Variants in NUP35 observed in about 807,000 individuals in gnomAD.
NUP35 encodes the protein nucleoporin 35.
In NUP35, 25 loss-of-function variants were observed where a neutral mutation model predicts 41.5. The observed-to-expected ratio is 0.60, with a 90% CI of 0.44 to 0.84. The LOEUF (loss-of-function observed/expected upper bound fraction) is 0.84. Among genes scored for constraint, NUP35 ranks in the 40% least tolerant of loss-of-function variants. The pLI, the probability that NUP35 is intolerant of heterozygous loss-of-function variation, is 0.00. For synonymous variants in NUP35, 149 were observed against 130.7 expected (o/e 1.14, Z -0.96); for missense variants, 396 against 396.6 (o/e 1.00, Z 0.01).
upstream of NUP35, among the ~76,000 whole-genome samples, chr2:183,123,061 A>G (rs935160852): frequency 6.6e-6 from 1 of 152,220 alleles, no homozygotes; most frequent in South Asian, 2.1e-4. Context: ...CAAAGATGCT[A>G]CATCGTTGGC....
At chr2:183,138,811 A>C (rs548155623) in intron 4 of NUP35, among the ~76,000 whole-genome samples, 48 of 152,234 alleles carry the variant, frequency 3.2e-4, no homozygotes, top group African/African-American at 1.1e-3. Flanking sequence ...GCATATTGTT[A>C]ACAGGTTAAG....
chr2:183,153,281 C>T (rs12992879), intron 5 of NUP35, among the ~76,000 whole-genome samples: 30,901 of 152,060 alleles, frequency 0.2, 3,588 homozygotes, highest in African/African-American at 0.31. Context: ...CATGTCCTCA[C>T]GTTTCAAAAC....
intron 1 of NUP35, among the ~76,000 whole-genome samples, chr2:183,125,834 T>C (rs2105534822): frequency 1.3e-5 from 2 of 152,342 alleles, no homozygotes; most frequent in Middle Eastern, 3.4e-3. Context: ...AAGGGTTGAC[T>C]TCAACAAACT....
intron 1 of NUP35, among the ~76,000 whole-genome samples, chr2:183,126,039 C>G (rs1684461325): frequency 1.3e-5 from 2 of 152,070 alleles, no homozygotes; most frequent in Admixed American, 1.3e-4. Flanking sequence ...TTCCCTCTCT[C>G]CCTCCCTCCC....
chr2:183,159,593 A>T lies in NUP35; in HGVS notation c.844A>T (p.Arg282Trp). Residue 282 changes from arginine (R) to tryptophan (W), a missense_variant, in exon 8 of 9, where the codon AGG (arginine) becomes TGG (tryptophan). Coordinates refer to ENST00000295119, the MANE Select transcript of NUP35 (RefSeq NM_138285.5). Reference protein sequence around the residue: ...GTPTQPGSTPRISTMRPLATA... With the variant: ...GTPTQPGSTPWISTMRPLATA... ...ACCAACACAACCTGGAAGTACTCCT[A>T]GGATTTCTACCATGAGACCTCTTGC... 3 of 1,613,394 alleles carry T rather than the reference A, an allele frequency of 1.9e-6. No homozygotes were observed. Among genetic ancestry groups the T allele is most frequent in the Non-Finnish European group, 2.5e-6 (3 of 1,179,630 alleles).
Position 183,152,281 on chromosome 2 carries a change from A to T in NUP35, c.539+632A>T, listed in dbSNP as rs187668327. On this transcript the variant is annotated intron_variant, in intron 5 of 8. Transcript: ENST00000295119. ...AAAAAACTTTAAAATGCCTTTTTTT[A>T]AAAAAAATGCTTTTTTATTTCCATA... is the stretch of plus-strand genomic sequence containing the variant. Among the ~76,000 whole-genome samples, 698 of 151,952 alleles carry T rather than the reference A, an allele frequency of 4.6e-3. 8 individuals carry two copies. The highest frequency in any genetic ancestry group is 0.015 in the African/African-American group (633 of 41,462).
At chr2:183,153,631 C>G (rs1416803624) in intron 5 of NUP35, among the ~76,000 whole-genome samples, 1 of 152,206 alleles carries the variant, frequency 6.6e-6, no homozygotes, top group Non-Finnish European at 1.5e-5. Context: ...TTCCCATGGT[C>G]TTGGGCAGCT....
intron 4 of NUP35, among the ~76,000 whole-genome samples, chr2:183,144,518 T>C (rs1485065031): frequency 2.0e-5 from 3 of 152,248 alleles, no homozygotes; most frequent in Non-Finnish European, 4.4e-5. Context: ...TCTTTTGTTT[T>C]CATTTAGGTT....
At chr2:183,117,733 T>C (rs1700008031) in intron 1 of NUP35, 1 of 152,220 alleles carries the variant, frequency 6.6e-6, no homozygotes, top group African/African-American at 2.4e-5. Context: ...TTTGTATTTA[T>C]ATACAAACAC....
chr2:183,118,744 T>G (rs1252881069), intron 1 of NUP35: 1 of 152,100 alleles, frequency 6.6e-6, no homozygotes, highest in Admixed American at 6.6e-5. Context: ...GGAGTGAAGG[T>G]TTGTTGAAAA....
chr2:183,120,477 A>G (rs1286196701), upstream of NUP35, among the ~76,000 whole-genome samples: 2 of 150,248 alleles, frequency 1.3e-5, no homozygotes, highest in African/African-American at 4.9e-5. Flanking sequence ...AGTTTTGGCT[A>G]CTGGTGTGTT....
At chr2:183,121,604 C>A (rs896418170), upstream of NUP35, among the ~76,000 whole-genome samples, 2 of 151,878 alleles carry the variant, frequency 1.3e-5, no homozygotes, top group African/African-American at 4.8e-5. Context: ...GAGGCTGAGG[C>A]AGGTGGATCA....
intron 4 of NUP35, among the ~76,000 whole-genome samples, chr2:183,143,409 A>C (rs777448022): frequency 6.6e-6 from 1 of 151,946 alleles, no homozygotes; most frequent in East Asian, 1.9e-4. Flanking sequence ...GATGGAGAGG[A>C]GCTGTTTTAT....
chr2:183,142,300 TTGCTTTCTCTC>T (rs544809211), intron 4 of NUP35, among the ~76,000 whole-genome samples: 2 of 152,210 alleles, frequency 1.3e-5, no homozygotes, highest in Non-Finnish European at 2.9e-5. Flanking sequence ...TGTTTGATAA[TTGCTTTCTCTC>T]TGCTTTCTCT....
intron 1 of NUP35, among the ~76,000 whole-genome samples, chr2:183,127,210 A>G (rs1471076248): frequency 1.3e-5 from 2 of 152,136 alleles, no homozygotes; most frequent in East Asian, 3.8e-4. Context: ...TTTATTTTGT[A>G]TCAATTGTGA....
At chr2:183,156,442 C>T (rs931112414) in intron 5 of NUP35, among the ~76,000 whole-genome samples, 7 of 152,144 alleles carry the variant, frequency 4.6e-5, no homozygotes, top group African/African-American at 1.2e-4. Flanking sequence ...CAGGTTCAAG[C>T]GATACTTCTG....
intron 4 of NUP35, among the ~76,000 whole-genome samples, chr2:183,134,374 T>A (rs1176632895): frequency 6.6e-6 from 1 of 151,918 alleles, no homozygotes; most frequent in Non-Finnish European, 1.5e-5. Flanking sequence ...TTACATTTTG[T>A]GGAGGAAAAA....
At position 183,130,387 on chromosome 2, in the gene NUP35, C is replaced by CTTTTT. The variant is rs34173657; in HGVS notation, c.212-16_212-12dup. Reference sequence around the variant, plus strand: ...AAAATCTTACCAAAAAGAAGAATCCCTTTTTTTTTTTTTTTTTTTGTACAC... The same window carrying CTTTTT: ...AAAATCTTACCAAAAAGAAGAATCCCTTTTTTTTTTTTTTTTTTTTTTTTGTACAC... On this transcript the variant is annotated intron_variant, in intron 2 of 8. Transcript: ENST00000295119. 96 of 1,273,226 alleles carry CTTTTT rather than the reference C, an allele frequency of 7.5e-5. 4 individuals carry two copies. The Admixed American group carries it at 8.0e-4, about 11-fold the overall frequency. 78.9% of individuals were successfully genotyped at this position (1,273,226 alleles called of 1,614,324 possible).
Position 183,157,454 on chromosome 2 carries a change from G to T in NUP35, c.550G>T (p.Ala184Ser). The T allele has an allele frequency of 3.1e-6, 5 of 1,611,722 alleles. No homozygotes were observed. Among genetic ancestry groups the T allele is most frequent in the Non-Finnish European group, 4.2e-6 (5 of 1,178,072 alleles). The part of the protein sequence containing the change: ...SWVTVFGFPQ[A>S]SASYILLQFA... Reference sequence around the variant, plus strand: ...AACTCTTTTTTTCAGGTTTCCTCAAGCATCTGCTTCCTACATATTACTACA... The same window carrying T: ...AACTCTTTTTTTCAGGTTTCCTCAATCATCTGCTTCCTACATATTACTACA... The change falls in exon 6 of 9, where the codon GCA (alanine) becomes TCA (serine). Residue 184 changes from alanine to serine, a missense_variant. Physicochemically the swap from Ala to Ser is moderately conservative, Grantham distance 99 (BLOSUM62 1). Transcript: ENST00000295119.
Sources: allele counts gnomAD v4.1 joint callset (sites outside exome capture counted in the v4.1 genomes callset), GRCh38; gene constraint gnomAD v4.1.1; transcripts MANE v1.5; gene names NCBI Gene and HGNC (gene_info 2026-07-23, HGNC 2026-07-21).